XPNPEP1: variants seen among roughly 807,000 people sequenced by gnomAD.
XPNPEP1 encodes xaa-Pro aminopeptidase 1.
A neutral mutation model predicts 92.4 loss-of-function variants in XPNPEP1; 39 were observed. The ratio of observed to expected loss-of-function variants is 0.42; its 90% CI spans 0.33 to 0.55. The LOEUF is 0.55. Ranked by LOEUF, XPNPEP1 falls within the 20% of genes least tolerant of loss-of-function variation. The pLI, the probability that XPNPEP1 is intolerant of heterozygous loss-of-function variation, is 0.08. For missense variants in XPNPEP1, 654 were observed against 856.1 expected, an observed-to-expected ratio of 0.76 and a Z score of 2.95; for synonymous variants, 307 against 299.4, an observed-to-expected ratio of 1.03 and a Z score of -0.26.
intron 3 of XPNPEP1, chr10:109,893,596 G>A (rs1249927792): frequency 6.5e-6 from 1 of 153,298 alleles, no homozygotes; most frequent in African/African-American, 2.4e-5. Flanking sequence ...GCTACAGAGT[G>A]AGCGGAAACG....
chr10:109,912,945 T>C lies in XPNPEP1; in HGVS notation c.121+2066A>G, dbSNP rs115124612. Among the ~76,000 whole-genome samples, 195 of 152,346 alleles carry C rather than the reference T, an allele frequency of 1.3e-3. 1 individual carries two copies. Among genetic ancestry groups the C allele is most frequent in the African/African-American group, 4.4e-3 (182 of 41,582 alleles). ...ACAGTAATGAATCTTCAGTGACAGATAGGCTCTTGCAAGGTGCTGTATTAT... is the reference window on the plus strand; with the variant it reads ...ACAGTAATGAATCTTCAGTGACAGACAGGCTCTTGCAAGGTGCTGTATTAT... On this transcript the variant is annotated intron_variant, in intron 2 of 20. Transcript: ENST00000502935.
chr10:109,865,126 G>T lies in XPNPEP1; in HGVS notation c.*58C>A, dbSNP rs1224660519. On this transcript the variant is annotated 3_prime_UTR_variant, in exon 21 of 21. Coordinates refer to ENST00000502935, the MANE Select transcript of XPNPEP1 (RefSeq NM_020383.4). The stretch of plus-strand genomic sequence containing the variant: ...GAAAGGGGAAAGATGTCAGGGATCT[G>T]CCACGTTTCTTCCTTCCTCCAGAGC... 4.7e-5 allele frequency: 76 copies of T among 1,606,250 alleles called. No homozygotes were observed. The highest frequency in any genetic ancestry group is 3.3e-4 in the Admixed American group (20 of 59,862).
intron 2 of XPNPEP1, among the ~76,000 whole-genome samples, chr10:109,909,328 A>T (rs1164074949): frequency 6.6e-6 from 1 of 152,204 alleles, no homozygotes; most frequent in African/African-American, 2.4e-5. Flanking sequence ...TTTTCAAACG[A>T]AGTCCCAAGG....
rs1849635067 is a variant in XPNPEP1 at position 109,907,756 on chromosome 10, T to C, written c.181A>G (p.Arg61Gly). The stretch of plus-strand genomic sequence containing the variant: ...GGTTCGGTCACATACTCAGAGTTCC[T>C]CATGGCTTGTCTCAGCTGCCGAAGC... ...ELLRQLRQAM[R>G]NSEYVTEPIQ... is the part of the protein sequence containing the mutation. Residue 61 changes from arginine (R) to glycine (G), a missense_variant, in exon 3 of 21, where the codon AGG becomes GGG. Arg to Gly is a moderately radical substitution (Grantham distance 125). Coordinates refer to ENST00000502935, the MANE Select transcript of XPNPEP1 (RefSeq NM_020383.4). 2.5e-6 allele frequency: 4 copies of C among 1,614,106 alleles called. No homozygotes were observed. Among genetic ancestry groups the C allele is most frequent in the Admixed American group, 3.3e-5 (2 of 60,002 alleles).
At chr10:109,909,596 C>T (rs758570182) in intron 2 of XPNPEP1, among the ~76,000 whole-genome samples, 1 of 152,178 alleles carries the variant, frequency 6.6e-6, no homozygotes, top group Admixed American at 6.5e-5. Flanking sequence ...CTTTTCTCAA[C>T]AATCACTGAT....
At chr10:109,922,559 C>T (rs1328699680) in intron 1 of XPNPEP1, among the ~76,000 whole-genome samples, 1 of 152,172 alleles carries the variant, frequency 6.6e-6, no homozygotes, top group Non-Finnish European at 1.5e-5. Flanking sequence ...AAGCAGGAGC[C>T]ATGGTCTGTG....
At chr10:109,875,840 C>T in intron 14 of XPNPEP1, 3 of 400,166 alleles carry the variant, frequency 7.5e-6, no homozygotes, top group Middle Eastern at 7.3e-4. Context: ...AAAAGTAACA[C>T]ATTTCTTTAT....
intron 3 of XPNPEP1, among the ~76,000 whole-genome samples, chr10:109,900,169 C>T (rs538197506): frequency 2.0e-5 from 3 of 152,214 alleles, no homozygotes; most frequent in South Asian, 2.1e-4. Context: ...CAGGGAACAG[C>T]GTGTGGGTGT....
rs771273628 is a variant in XPNPEP1 at position 109,888,220 on chromosome 10, T to A, written c.509-28A>T. The A allele has an allele frequency of 1.9e-6, 3 of 1,603,156 alleles. No individual in the cohort carries two copies. The South Asian group carries it at 3.3e-5, about 18-fold the overall frequency. On this transcript the variant is annotated intron_variant, in intron 6 of 20. Transcript: ENST00000502935. The stretch of plus-strand genomic sequence containing the variant: ...GAGGAGACACATTGTGGCCCAGCCA[T>A]GAGCCGAACGCCCATTGCAGCAGGG...
chr10:109,919,941 A>G (rs1026634381), intron 1 of XPNPEP1, among the ~76,000 whole-genome samples: 2 of 152,178 alleles, frequency 1.3e-5, no homozygotes, highest in Non-Finnish European at 2.9e-5. Context: ...CTGAGGCAGG[A>G]GAATCACTTG....
intron 7 of XPNPEP1, among the ~76,000 whole-genome samples, chr10:109,886,614 T>TGCCAG (rs1481957698): frequency 5.3e-5 from 8 of 152,338 alleles, no homozygotes; most frequent in Admixed American, 5.2e-4. Flanking sequence ...CATAGATACG[T>TGCCAG]GCCAGGCACT....
At chr10:109,877,663 A>C (rs2133381963) in intron 14 of XPNPEP1, 127 bp downstream of exon 14, 4 of 1,183,904 alleles carry the variant, frequency 3.4e-6, no homozygotes, top group African/African-American at 3.1e-5. Context: ...ATTTCCCTTC[A>C]TTTTACAGTC....
intron 2 of XPNPEP1, among the ~76,000 whole-genome samples, chr10:109,911,945 C>T (rs925499799): frequency 6.6e-6 from 1 of 152,148 alleles, no homozygotes; most frequent in Non-Finnish European, 1.5e-5. Context: ...TCATCAATAA[C>T]GTTAACACAA....
At position 109,871,979 on chromosome 10, in the gene XPNPEP1, G is replaced by A. The variant is rs571658071; in HGVS notation, c.1453-118C>T. On this transcript the variant is annotated intron_variant, in intron 16 of 20. Coordinates refer to ENST00000502935, the MANE Select transcript of XPNPEP1 (RefSeq NM_020383.4). ...TTTTTAGCAATATCATAGAGAAAAT[G>A]TAAGTAAAAAGAAAAAAATCTGGTG... The A allele has an allele frequency of 2.2e-4, 231 of 1,032,066 alleles. No individual in the cohort carries two copies. Among genetic ancestry groups the A allele is most frequent in the African/African-American group, 6.6e-4 (41 of 61,978 alleles). The allele number at this position is 1,032,066 out of a possible 1,614,324, so 63.9% of individuals were successfully genotyped here. A position where few individuals can be genotyped will look rare whatever the true frequency, so the allele number is the denominator to read the frequency against.
At chr10:109,909,585 C>A (rs1270012612) in intron 2 of XPNPEP1, among the ~76,000 whole-genome samples, 1 of 152,148 alleles carries the variant, frequency 6.6e-6, no homozygotes, top group African/African-American at 2.4e-5. Context: ...TTCAAAAAGA[C>A]CTTTTCTCAA....
chr10:109,906,890 T>C (rs1003024857), intron 3 of XPNPEP1, among the ~76,000 whole-genome samples: 2 of 152,184 alleles, frequency 1.3e-5, no homozygotes, highest in Non-Finnish European at 2.9e-5. Context: ...AAGCTCTTCA[T>C]CATCTTCCCC....
intron 10 of XPNPEP1, among the ~76,000 whole-genome samples, chr10:109,881,853 A>G (rs1200275796): frequency 1.3e-5 from 2 of 151,994 alleles, no homozygotes; most frequent in Middle Eastern, 3.2e-3. Flanking sequence ...GTAAAGGGCA[A>G]GGCTATCACT....
At chr10:109,920,083 T>C (rs1010562375) in intron 1 of XPNPEP1, among the ~76,000 whole-genome samples, 104 of 151,358 alleles carry the variant, frequency 6.9e-4, no homozygotes, top group African/African-American at 2.5e-3. Flanking sequence ...ATGACATAGG[T>C]GAACCTTGAA....
intron 16 of XPNPEP1, 52 bp downstream of exon 16, chr10:109,873,315 C>T (rs1038020833): frequency 1.9e-6 from 3 of 1,602,604 alleles, no homozygotes; most frequent in East Asian, 2.2e-5. Flanking sequence ...AAAAGCAATG[C>T]TCTTCTTAAG....
Sources: allele counts gnomAD v4.1 joint callset (sites outside exome capture counted in the v4.1 genomes callset), GRCh38; gene constraint gnomAD v4.1.1; transcripts MANE v1.5; gene names NCBI Gene and HGNC (gene_info 2026-07-23, HGNC 2026-07-21).